Variants in MBP observed in about 807,000 individuals in gnomAD.
MBP encodes Golli-MBP.
In MBP, 16 loss-of-function variants were observed where a neutral mutation model predicts 35.8. The observed-to-expected ratio is 0.45, with a 90% CI of 0.30 to 0.68. MBP has a LOEUF of 0.68. Ranked by LOEUF, MBP falls within the 30% of genes least tolerant of loss-of-function variation. The pLI is 0.08. For synonymous variants in MBP, 143 were observed against 159.6 expected (o/e 0.90, Z 0.78); for missense variants, 380 against 404.7 (o/e 0.94, Z 0.52).
At position 77,016,997 on chromosome 18, in the gene MBP, C is replaced by T; in HGVS notation, c.411G>A (p.Gln137=). ...ATCCGTGCCTCTGGGAGGGTCTCTT[C>T]TGTGACGCCATCACATCCAGGCTCT... ...TSESLDVMAS[Q]KRPSQRHGSK... The change falls in exon 4 of 9, where the codon CAG becomes CAA. Residue 137 remains glutamine (Q), a synonymous_variant. Transcript: ENST00000355994. 1.2e-6 allele frequency: 2 copies of T among 1,614,128 alleles called. No individual in the cohort carries two copies. The highest frequency in any genetic ancestry group is 1.7e-6 in the Non-Finnish European group (2 of 1,180,010).
chr18:77,015,637 A>G, intron 4 of MBP: 1 of 985,470 alleles, frequency 1.0e-6, no homozygotes, highest in South Asian at 4.7e-5. Context: ...CAGATGGTAG[A>G]GATGTTAACA....
chr18:76,992,699 A>T (rs567391801), intron 4 of MBP, among the ~76,000 whole-genome samples: 1 of 152,300 alleles, frequency 6.6e-6, no homozygotes, highest in South Asian at 2.1e-4. Context: ...CTCTCCTTCC[A>T]GTGTCCTGTG....
At chr18:77,017,525 C>T (rs1288999187) in intron 3 of MBP, 1 of 344,104 alleles carries the variant, frequency 2.9e-6, no homozygotes, top group Non-Finnish European at 5.2e-6. Context: ...CCAGGCTTCC[C>T]GATGAAGTCA....
intron 1 of MBP, among the ~76,000 whole-genome samples, chr18:77,119,678 A>T (rs1789082): frequency 1.3e-5 from 2 of 152,160 alleles, no homozygotes; most frequent in East Asian, 1.9e-4. Flanking sequence ...GGGAGCCGAG[A>T]GCAGGAGCCA....
At chr18:77,076,800 GA>G (rs1568327261) in intron 2 of MBP, among the ~76,000 whole-genome samples, 1 of 152,074 alleles carries the variant, frequency 6.6e-6, no homozygotes, top group African/African-American at 2.4e-5. Context: ...AAGTAGGCAC[GA>G]AAACCACCAG....
chr18:77,074,084 C>T (rs945441022), intron 2 of MBP, among the ~76,000 whole-genome samples: 2 of 152,190 alleles, frequency 1.3e-5, no homozygotes, highest in African/African-American at 4.8e-5. Context: ...TGGGCAAATG[C>T]ACAGAAAGGG....
rs56844180 is a variant in MBP at position 77,131,025 on chromosome 18, CAAAAAA to C, written c.-26+1549_-26+1554del. ...TTCCCTCAGATTTCTGTTTTTCCCA[CAAAAAA>C]AAAAAAAAAACAAAACCTCAAAAAA... On this transcript the variant is annotated intron_variant, in intron 1 of 8. Transcript: ENST00000355994. This position sits in a 1 kb window ranked among gnomAD's most constrained non-coding sequence, Gnocchi z 5.5. 7.7e-6 allele frequency among the ~76,000 whole-genome samples: 1 copy of C among 130,084 alleles called. No homozygotes were observed. The highest frequency in any genetic ancestry group is 1.6e-5 in the Non-Finnish European group (1 of 61,728). 85.3% of individuals were successfully genotyped at this position (130,084 alleles called of 152,430 possible). A position where few individuals can be genotyped will look rare whatever the true frequency, so the allele number is the denominator to read the frequency against.
intron 1 of MBP, chr18:77,108,687 T>C (rs1183935956): frequency 6.6e-6 from 1 of 152,222 alleles, no homozygotes; most frequent in Non-Finnish European, 1.5e-5. Context: ...ACTGTTAGGC[T>C]CTCGTTTTTA....
intron 3 of MBP, among the ~76,000 whole-genome samples, chr18:77,054,362 TAAG>T (rs1163407357): frequency 7.2e-5 from 11 of 152,108 alleles, no homozygotes; most frequent in African/African-American, 2.4e-4. Flanking sequence ...GCAAGAGACT[TAAG>T]GAGGAGGGCA....
At chr18:77,124,134 C>T (rs1976970368) in intron 1 of MBP, among the ~76,000 whole-genome samples, 1 of 152,166 alleles carries the variant, frequency 6.6e-6, no homozygotes. Context: ...CACCAGCAGT[C>T]CCCTGAACTG....
chr18:76,997,206 TC>T (rs1430019189), intron 4 of MBP, among the ~76,000 whole-genome samples: 2 of 152,174 alleles, frequency 1.3e-5, no homozygotes, highest in Non-Finnish European at 2.9e-5. Context: ...TTCTGTGGGA[TC>T]CCCAAAGCTC....
At chr18:77,030,087 A>G (rs1257341262) in intron 3 of MBP, among the ~76,000 whole-genome samples, 2 of 152,174 alleles carry the variant, frequency 1.3e-5, no homozygotes, top group Non-Finnish European at 2.9e-5. Context: ...TCACATTAAA[A>G]TACAAGCAAC....
intron 4 of MBP, chr18:77,009,948 G>A: frequency 1.9e-6 from 3 of 1,545,664 alleles, no homozygotes; most frequent in Middle Eastern, 4.0e-4. Context: ...CACAGAGTGG[G>A]CTGCGTGAGT....
intron 7 of MBP, 118 bp from the exon 8 acceptor site, chr18:76,985,012 G>A (rs1969462230): frequency 3.3e-6 from 5 of 1,532,004 alleles, no homozygotes; most frequent in Non-Finnish European, 3.5e-6. Flanking sequence ...CTGGACTGGT[G>A]AGTGGTTCAG....
In MBP at chr18:77,036,782, G is replaced by T. The variant is rs74207848; in HGVS notation, c.140-19514C>A. ...GCTGAGCAAGTGCTGGTCACATTTT[G>T]GAGACAGAGCTGAGCAAGTGCTGCT... On this transcript the variant is annotated intron_variant, in intron 3 of 8. Transcript: ENST00000355994. Among the ~76,000 whole-genome samples, 360 of 145,920 alleles carry T rather than the reference G, an allele frequency of 2.5e-3. 9 individuals carry two copies. The South Asian group carries it at 0.039, about 16-fold the overall frequency.
At chr18:77,048,549 A>G (rs906227484) in intron 3 of MBP, among the ~76,000 whole-genome samples, 1 of 72,738 alleles carries the variant, frequency 1.4e-5, no homozygotes, top group Admixed American at 1.7e-4. Flanking sequence ...GCTCACTGCA[A>G]CCTCCGCCTC....
At chr18:77,042,741 G>C (rs1387588517) in intron 3 of MBP, among the ~76,000 whole-genome samples, 2 of 152,238 alleles carry the variant, frequency 1.3e-5, no homozygotes, top group Non-Finnish European at 2.9e-5. Context: ...CACAATGTCT[G>C]TTTTTCAGAA....
chr18:77,110,998 C>T (rs112996717), intron 1 of MBP, among the ~76,000 whole-genome samples: 35 of 152,188 alleles, frequency 2.3e-4, no homozygotes, highest in African/African-American at 7.2e-4. Flanking sequence ...GGAGTCTTCG[C>T]GGTGTACGGG....
Position 77,055,052 on chromosome 18 carries a change from C to T in MBP, c.139+11246G>A, listed in dbSNP as rs566686634. On this transcript the variant is annotated intron_variant, in intron 3 of 8. Coordinates refer to ENST00000355994, the MANE Select transcript of MBP (RefSeq NM_001025101.2). The stretch of plus-strand genomic sequence containing the variant: ...ACCATGGGAAGTAATCATGAGTTTG[C>T]TCTGGGAGGCCCCGCAGTTAGAAGG... Among the ~76,000 whole-genome samples the T allele has an allele frequency of 1.2e-3, 182 of 152,308 alleles. 3 individuals are homozygous for T. Among genetic ancestry groups the T allele is most frequent in the African/African-American group, 4.0e-3 (165 of 41,558 alleles).
Sources: allele counts gnomAD v4.1 joint callset (sites outside exome capture counted in the v4.1 genomes callset), GRCh38; gene constraint gnomAD v4.1.1; non-coding constraint Gnocchi (gnomAD v3.1); transcripts MANE v1.5; gene names NCBI Gene and HGNC (gene_info 2026-07-23, HGNC 2026-07-21).